Variants in DCUN1D4 observed in about 807,000 individuals in gnomAD.
DCUN1D4 encodes DCN1-like protein 4.
A neutral mutation model predicts 47.9 loss-of-function variants in DCUN1D4; 22 were observed. The observed-to-expected ratio is 0.46, with a 90% CI of 0.33 to 0.66. DCUN1D4 has a LOEUF of 0.66. DCUN1D4 is among the 30% of genes least tolerant of loss of function. The pLI is 0.02. For synonymous variants in DCUN1D4, 121 were observed against 112.2 expected, an observed-to-expected ratio of 1.08 and a Z score of -0.50; for missense variants, 301 against 340.8, an observed-to-expected ratio of 0.88 and a Z score of 0.92.
At chr4:51,903,521 C>G (rs1345065977) in intron 8 of DCUN1D4, among the ~76,000 whole-genome samples, 2 of 151,982 alleles carry the variant, frequency 1.3e-5, no homozygotes, top group Admixed American at 1.3e-4. Flanking sequence ...CTTTTTGGAA[C>G]TGTGGGTTTA....
upstream of DCUN1D4, among the ~76,000 whole-genome samples, chr4:51,840,818 G>C (rs1040833844): frequency 6.6e-6 from 1 of 152,174 alleles, no homozygotes; most frequent in African/African-American, 2.4e-5. Context: ...TGTAAAACGT[G>C]GGGGCAGTGA....
At chr4:51,881,900 GGTC>G (rs1166603061) in intron 5 of DCUN1D4, among the ~76,000 whole-genome samples, 7 of 152,220 alleles carry the variant, frequency 4.6e-5, no homozygotes, top group Admixed American at 2.0e-4. Flanking sequence ...GGGTGCAGTT[GGTC>G]ACGCCTGTAA....
intron 5 of DCUN1D4, among the ~76,000 whole-genome samples, chr4:51,879,555 C>T (rs1211094830): frequency 2.0e-5 from 3 of 152,170 alleles, no homozygotes; most frequent in African/African-American, 7.2e-5. Flanking sequence ...TGCAGTGAGC[C>T]GAGATTGTGC....
intron 8 of DCUN1D4, chr4:51,909,278 A>C: frequency 3.8e-6 from 1 of 260,144 alleles, no homozygotes; most frequent in Non-Finnish European, 7.6e-6. Flanking sequence ...CAAAGGGAAA[A>C]CTCTTCCAGA....
At chr4:51,844,413 C>CG in intron 1 of DCUN1D4, 1 of 980,194 alleles carries the variant, frequency 1.0e-6, no homozygotes. Context: ...AGCGCTGGCG[C>CG]GGGCTCCGGC....
At chr4:51,848,613 T>G (rs1722910693) in intron 1 of DCUN1D4, among the ~76,000 whole-genome samples, 1 of 152,260 alleles carries the variant, frequency 6.6e-6, no homozygotes, top group Non-Finnish European at 1.5e-5. Flanking sequence ...TTTTGAAATT[T>G]ACATTAGGAG....
At chr4:51,885,382 G>A (rs763422865) in intron 5 of DCUN1D4, among the ~76,000 whole-genome samples, 32 of 152,226 alleles carry the variant, frequency 2.1e-4, no homozygotes, top group Non-Finnish European at 2.9e-5. Flanking sequence ...AGAGAAAGGA[G>A]GAATACAGGA....
In DCUN1D4 at chr4:51,843,354, C is replaced by T. The variant is rs968035384; in HGVS notation, c.25+87C>T. ...CTCCCGCAGTCCCCGCCCCACGCCTCGGGTCCCGAAACGCGCCGGGAGCCC... is the reference window on the plus strand; with the variant it reads ...CTCCCGCAGTCCCCGCCCCACGCCTTGGGTCCCGAAACGCGCCGGGAGCCC... On this transcript the variant is annotated intron_variant, in intron 1 of 10. Transcript: ENST00000334635. 1.0e-5 allele frequency: 15 copies of T among 1,429,488 alleles called. No individual in the cohort carries two copies. The African/African-American group carries it at 1.9e-4, about 18-fold the overall frequency. The allele number at this position is 1,429,488 out of a possible 1,614,324, so 88.6% of individuals were successfully genotyped here.
chr4:51,887,235 G>A, intron 6 of DCUN1D4: 1 of 378,748 alleles, frequency 2.6e-6, no homozygotes. Context: ...CTGAGTAGCT[G>A]GGACTACAGG....
chr4:51,840,898 G>C (rs967376901), upstream of DCUN1D4, among the ~76,000 whole-genome samples: 2 of 152,040 alleles, frequency 1.3e-5, no homozygotes, highest in African/African-American at 4.8e-5. Context: ...ATAAAGATCT[G>C]GGTAAATTAC....
At chr4:51,875,071 T>C (rs751572665) in intron 4 of DCUN1D4, 2 of 152,234 alleles carry the variant, frequency 1.3e-5, no homozygotes, top group Non-Finnish European at 2.9e-5. Flanking sequence ...GTGGGTCATA[T>C]CACTAATGGG....
intron 1 of DCUN1D4, among the ~76,000 whole-genome samples, chr4:51,853,495 G>A (rs1455888165): frequency 1.3e-5 from 2 of 152,196 alleles, no homozygotes; most frequent in Non-Finnish European, 2.9e-5. Context: ...TGTGCTGATA[G>A]GGTATGGTGA....
chr4:51,914,411 GCTTT>G lies in DCUN1D4; in HGVS notation c.*832_*835del, dbSNP rs1271272891. On this transcript the variant is annotated 3_prime_UTR_variant, in exon 11 of 11. Coordinates refer to ENST00000334635, the MANE Select transcript of DCUN1D4 (RefSeq NM_001040402.3). ...TCTAGCCAGTGATTGATCTGCTAAT[GCTTT>G]CTTTGCCACTCTAAGTAAAATTTAT... 6.6e-6 allele frequency: 1 copy of G among 152,156 alleles called. No homozygotes were observed. Among genetic ancestry groups the G allele is most frequent in the Non-Finnish European group, 1.5e-5 (1 of 67,972 alleles). 9.4% of individuals were successfully genotyped at this position (152,156 alleles called of 1,614,324 possible).
At chr4:51,907,895 G>GA (rs1326432593) in intron 8 of DCUN1D4, among the ~76,000 whole-genome samples, 2 of 152,000 alleles carry the variant, frequency 1.3e-5, no homozygotes, top group African/African-American at 2.4e-5. Context: ...TGTCATCTAA[G>GA]AAAAAAATGC....
Position 51,889,617 on chromosome 4 carries a change from T to C in DCUN1D4, c.415-2143T>C, listed in dbSNP as rs560005550. 9.8e-5 allele frequency among the ~76,000 whole-genome samples: 15 copies of C among 152,288 alleles called. No homozygotes were observed. The South Asian group carries it at 3.1e-3, about 32-fold the overall frequency. On this transcript the variant is annotated intron_variant, in intron 6 of 10. Coordinates refer to ENST00000334635, the MANE Select transcript of DCUN1D4 (RefSeq NM_001040402.3). ...CATTTTTTTTTAACTTAACAAGTGT[T>C]TATGTAGAATTTTTAAATCTTTTTG...
At chr4:51,850,762 G>A (rs1422489051) in intron 1 of DCUN1D4, among the ~76,000 whole-genome samples, 4 of 152,160 alleles carry the variant, frequency 2.6e-5, no homozygotes, top group African/African-American at 7.2e-5. Context: ...GTGCGGGCGT[G>A]GGGTGGGGTG....
intron 8 of DCUN1D4, chr4:51,910,792 G>C (rs1733605800): frequency 2.3e-6 from 1 of 429,922 alleles, no homozygotes; most frequent in South Asian, 4.0e-5. Context: ...AAAGCCTGTA[G>C]AAACTGCTAC....
intron 3 of DCUN1D4, 99 bp from the exon 4 acceptor site, chr4:51,874,172 A>G: frequency 1.6e-6 from 1 of 622,172 alleles, no homozygotes; most frequent in South Asian, 3.6e-5. Context: ...CTTACAATAC[A>G]AGCTGTGGAA....
chr4:51,839,277 AAC>A (rs1200702784), upstream of DCUN1D4, among the ~76,000 whole-genome samples: 1 of 152,176 alleles, frequency 6.6e-6, no homozygotes, highest in African/African-American at 2.4e-5. Flanking sequence ...ACTAAAGCCC[AAC>A]ACAGGAATAT....
Sources: allele counts gnomAD v4.1 joint callset (sites outside exome capture counted in the v4.1 genomes callset), GRCh38; gene constraint gnomAD v4.1.1; transcripts MANE v1.5; gene names NCBI Gene and HGNC (gene_info 2026-07-23, HGNC 2026-07-21).